SAMMSON: variants seen among roughly 807,000 people sequenced by gnomAD.
SAMMSON encodes the protein survival associated mitochondrial melanoma specific oncogenic non-coding RNA.
intron 8 of SAMMSON, chr3:70,358,123 A>G (rs1702843756): frequency 6.6e-6 from 1 of 152,182 alleles, no homozygotes; most frequent in African/African-American, 2.4e-5. Context: ...AATAAAGTAT[A>G]TTGACTTATA....
intron 9 of SAMMSON, among the ~76,000 whole-genome samples, chr3:70,379,746 G>T (rs533172327): frequency 6.6e-6 from 1 of 152,010 alleles, no homozygotes; most frequent in Non-Finnish European, 1.5e-5. Context: ...ACGAGTCTGG[G>T]CAACTAATTT....
At chr3:70,286,452 G>T (rs889983964) in intron 6 of SAMMSON, among the ~76,000 whole-genome samples, 4 of 151,728 alleles carry the variant, frequency 2.6e-5, no homozygotes, top group Non-Finnish European at 4.4e-5. Context: ...TGCTGTTTTG[G>T]TTACTGTAGC....
chr3:70,331,633 AAT>A (rs1219362387), intron 7 of SAMMSON, among the ~76,000 whole-genome samples: 1 of 152,250 alleles, frequency 6.6e-6, no homozygotes, highest in Non-Finnish European at 1.5e-5. Flanking sequence ...ACCATGTTAA[AAT>A]ATGATTCACC....
At chr3:70,017,553 T>C (rs1205546501) in intron 3 of SAMMSON, among the ~76,000 whole-genome samples, 1 of 152,162 alleles carries the variant, frequency 6.6e-6, no homozygotes, top group Non-Finnish European at 1.5e-5. Flanking sequence ...AATTCCTCTT[T>C]TCCTAATTGA....
At chr3:70,165,321 A>G (rs1217252834) in intron 4 of SAMMSON, among the ~76,000 whole-genome samples, 1 of 151,930 alleles carries the variant, frequency 6.6e-6, no homozygotes, top group Non-Finnish European at 1.5e-5. Flanking sequence ...TGAAAACCTA[A>G]TCTGTTGGTA....
chr3:70,043,233 C>G (rs1343335864), intron 3 of SAMMSON, among the ~76,000 whole-genome samples: 1 of 152,066 alleles, frequency 6.6e-6, no homozygotes, highest in Non-Finnish European at 1.5e-5. Context: ...CCGAAAGCAT[C>G]CTTGAGAAGG....
intron 4 of SAMMSON, among the ~76,000 whole-genome samples, chr3:70,202,193 T>C (rs993436097): frequency 1.7e-4 from 26 of 152,062 alleles, no homozygotes; most frequent in Admixed American, 1.2e-3. Flanking sequence ...AGTAGTCTAT[T>C]TGATAACAGT....
At chr3:70,080,858 C>T (rs1354805122) in intron 4 of SAMMSON, among the ~76,000 whole-genome samples, 3 of 152,142 alleles carry the variant, frequency 2.0e-5, no homozygotes, top group Non-Finnish European at 1.5e-5. Context: ...AGCTGATAAC[C>T]TTTGAAGATG....
intron 9 of SAMMSON, among the ~76,000 whole-genome samples, chr3:70,364,977 T>C (rs1702909099): frequency 6.6e-6 from 1 of 151,802 alleles, no homozygotes; most frequent in Non-Finnish European, 1.5e-5. Flanking sequence ...GATTGTTTTG[T>C]CACATTATTT....
At chr3:70,040,818 G>A (rs1268013213) in intron 3 of SAMMSON, among the ~76,000 whole-genome samples, 1 of 152,052 alleles carries the variant, frequency 6.6e-6, no homozygotes, top group East Asian at 1.9e-4. Flanking sequence ...CTTCATTTTT[G>A]TATGCCATAA....
intron 1 of SAMMSON, among the ~76,000 whole-genome samples, chr3:70,001,624 C>G (rs905138710): frequency 1.3e-5 from 2 of 152,068 alleles, no homozygotes; most frequent in Non-Finnish European, 2.9e-5. Flanking sequence ...TTCTGTCCCC[C>G]TTAAATAGCA....
chr3:70,311,614 A>G lies in SAMMSON; in HGVS notation n.739+20371A>G, dbSNP rs528500354. On this transcript the variant is annotated intron_variant and non_coding_transcript_variant, in intron 7 of 9. Transcript: ENST00000642114. Reference sequence around the variant, plus strand: ...ACTGCAAAGACCTCACAGATAATATAAGTCTGAGTAGAAAATGCATATTAA... The same window carrying G: ...ACTGCAAAGACCTCACAGATAATATGAGTCTGAGTAGAAAATGCATATTAA... Among the ~76,000 whole-genome samples the G allele has an allele frequency of 2.6e-5, 4 of 152,304 alleles. No individual in the cohort carries two copies. In the South Asian group the frequency reaches 6.2e-4, roughly 24 times the overall value.
chr3:70,268,005 T>A (rs866642972), intron 6 of SAMMSON, among the ~76,000 whole-genome samples: 13 of 147,162 alleles, frequency 8.8e-5, no homozygotes, highest in African/African-American at 3.3e-4. Flanking sequence ...CTCCCCTTTC[T>A]CCTCCCCTCC....
intron 2 of SAMMSON, among the ~76,000 whole-genome samples, chr3:70,423,509 C>T (rs1053370736): frequency 6.6e-6 from 1 of 152,050 alleles, no homozygotes; most frequent in Non-Finnish European, 1.5e-5. Context: ...AGATTGCTCC[C>T]CAAATAAAAA....
At chr3:70,249,594 G>A (rs894415058) in exon 6 of SAMMSON, 6 of 151,686 alleles carry the variant, frequency 4.0e-5, no homozygotes, top group African/African-American at 1.5e-4. Context: ...ATCATTGCAG[G>A]TGCCCCTGCT....
At chr3:70,347,765 G>A (rs1048448035) in intron 7 of SAMMSON, among the ~76,000 whole-genome samples, 1 of 152,132 alleles carries the variant, frequency 6.6e-6, no homozygotes, top group Non-Finnish European at 1.5e-5. Context: ...CGTTAGGGTC[G>A]GGAGCAGCGG....
At chr3:70,238,200 G>A (rs140548848) in intron 4 of SAMMSON, among the ~76,000 whole-genome samples, 34 of 151,802 alleles carry the variant, frequency 2.2e-4, no homozygotes, top group Non-Finnish European at 3.2e-4. Context: ...CAATCCAGGC[G>A]TTCCCTGACA....
chr3:70,227,022 C>A (rs1404411491), intron 4 of SAMMSON, among the ~76,000 whole-genome samples: 12 of 152,104 alleles, frequency 7.9e-5, no homozygotes, highest in Admixed American at 4.6e-4. Flanking sequence ...AAAATACATG[C>A]ATCTTTTTCC....
At chr3:70,364,056 C>T (rs368931086) in intron 9 of SAMMSON, among the ~76,000 whole-genome samples, 8 of 151,816 alleles carry the variant, frequency 5.3e-5, no homozygotes, top group African/African-American at 7.2e-5. Flanking sequence ...CCCCTTTCCT[C>T]CTAATACTTA....
Sources: gnomAD v4.1 joint callset for allele counts (sites outside exome capture counted in the v4.1 genomes callset) on GRCh38, gnomAD v4.1.1 for gene constraint, MANE v1.5 for transcripts, NCBI Gene and HGNC (gene_info 2026-07-23, HGNC 2026-07-21) for gene names.